Variants in ZBTB20 observed in about 807,000 individuals in gnomAD.
The protein encoded by ZBTB20 is zinc finger and BTB domain-containing protein 20.
A neutral mutation model predicts 56.9 loss-of-function variants in ZBTB20; 9 were observed. The observed-to-expected ratio is 0.16, with a 90% confidence interval of 0.10 to 0.28. The LOEUF is 0.28. Ranked by LOEUF, ZBTB20 falls within the 10% of genes least tolerant of loss-of-function variation. The pLI, the probability that ZBTB20 is intolerant of heterozygous loss-of-function variation, is 1.00. For synonymous variants in ZBTB20, 417 were observed against 420.7 expected, an observed-to-expected ratio of 0.99 and a Z score of 0.11; for missense variants, 655 against 1,003.0, an observed-to-expected ratio of 0.65 and a Z score of 4.69.
rs145013595 is a variant in ZBTB20 at position 115,123,364 on chromosome 3, A to G, written c.-703+23855T>C. On this transcript the variant is annotated intron_variant, in intron 1 of 11. Transcript: ENST00000675478. ...ATGTTCTAATGTATGAATTATTACTAAAACAATTATTTACCTATCTGATCA... is the reference window on the plus strand; with the variant it reads ...ATGTTCTAATGTATGAATTATTACTGAAACAATTATTTACCTATCTGATCA... 9.1e-3 allele frequency among the ~76,000 whole-genome samples: 1,385 copies of G among 152,326 alleles called. 7 individuals are homozygous for G. The highest frequency in any genetic ancestry group is 0.014 in the Non-Finnish European group (930 of 68,006).
intron 7 of ZBTB20, among the ~76,000 whole-genome samples, chr3:114,464,009 G>A (rs1479709306): frequency 6.6e-6 from 1 of 152,114 alleles, no homozygotes; most frequent in Non-Finnish European, 1.5e-5. Context: ...CTTTAATTGT[G>A]CATACAATTC....
At chr3:115,035,285 C>A (rs1290137639) in intron 2 of ZBTB20, among the ~76,000 whole-genome samples, 2 of 151,994 alleles carry the variant, frequency 1.3e-5, no homozygotes, top group Non-Finnish European at 2.9e-5. Context: ...AGCCAAACCA[C>A]TGAATAAGGG....
At chr3:114,979,456 T>A (rs1185122843) in intron 2 of ZBTB20, among the ~76,000 whole-genome samples, 1 of 152,036 alleles carries the variant, frequency 6.6e-6, no homozygotes, top group African/African-American at 2.4e-5. Context: ...GTCCTTAACA[T>A]GTCATTCAAA....
chr3:114,495,716 CTT>C (rs1200908106), intron 7 of ZBTB20, among the ~76,000 whole-genome samples: 1 of 151,954 alleles, frequency 6.6e-6, no homozygotes, highest in Non-Finnish European at 1.5e-5. Flanking sequence ...AATAGCCACT[CTT>C]ATCACTAGGA....
Position 114,718,534 on chromosome 3 carries a change from A to C in ZBTB20, c.-342-24959T>G, listed in dbSNP as rs181839328. ...TCACATCTGGCTCTAAGATACAACC[A>C]CGCGCTGTGACATATAAAAAGGTCA... On this transcript the variant is annotated intron_variant, in intron 5 of 11. Transcript: ENST00000675478. Among the ~76,000 whole-genome samples, 666 of 152,180 alleles carry C rather than the reference A, an allele frequency of 4.4e-3. 7 individuals are homozygous for C. The highest frequency in any genetic ancestry group is 0.02 in the South Asian group (94 of 4,816).
intron 7 of ZBTB20, among the ~76,000 whole-genome samples, chr3:114,468,206 C>T (rs1350532267): frequency 6.6e-6 from 1 of 152,128 alleles, no homozygotes; most frequent in African/African-American, 2.4e-5. Flanking sequence ...ATACTTTTCT[C>T]AAGTATTTAA....
At chr3:114,685,643 C>A (rs1311889970) in intron 6 of ZBTB20, among the ~76,000 whole-genome samples, 1 of 152,156 alleles carries the variant, frequency 6.6e-6, no homozygotes, top group African/African-American at 2.4e-5. Context: ...CCATTAATTT[C>A]TGATGGTGTT....
chr3:115,093,732 C>T (rs1370906243), intron 1 of ZBTB20, among the ~76,000 whole-genome samples: 2 of 152,082 alleles, frequency 1.3e-5, no homozygotes, highest in East Asian at 1.9e-4. Context: ...CTCACAACTC[C>T]GAACCCAAGA....
intron 3 of ZBTB20, among the ~76,000 whole-genome samples, chr3:114,972,984 G>A (rs1216267849): frequency 2.6e-5 from 4 of 151,866 alleles, no homozygotes; most frequent in African/African-American, 9.7e-5. Flanking sequence ...AATCTTATGG[G>A]GCAAGGCAGG....
At chr3:114,953,470 C>T (rs1052973136) in intron 3 of ZBTB20, among the ~76,000 whole-genome samples, 10 of 150,860 alleles carry the variant, frequency 6.6e-5, no homozygotes, top group African/African-American at 2.4e-4. Flanking sequence ...ACACTGTTTT[C>T]AACAAATTTA....
intron 2 of ZBTB20, among the ~76,000 whole-genome samples, chr3:114,991,479 T>C (rs1303927324): frequency 6.6e-6 from 1 of 152,186 alleles, no homozygotes; most frequent in African/African-American, 2.4e-5. Context: ...AAGTTTGTTA[T>C]AATTTCTGTT....
intron 6 of ZBTB20, among the ~76,000 whole-genome samples, chr3:114,586,258 A>T (rs528950240): frequency 9.9e-5 from 15 of 152,214 alleles, no homozygotes; most frequent in Non-Finnish European, 1.5e-4. Context: ...TGAATCATGA[A>T]ATGAAGTCCT....
intron 5 of ZBTB20, among the ~76,000 whole-genome samples, chr3:114,776,170 T>TA (rs1414819557): frequency 1.3e-5 from 2 of 150,968 alleles, no homozygotes; most frequent in Non-Finnish European, 2.9e-5. Flanking sequence ...GCAGAGCAGG[T>TA]ACAAAGGTAA....
rs902013492 is a variant in ZBTB20 at position 115,068,923 on chromosome 3, T to C, written c.-507+2296A>G. On this transcript the variant is annotated intron_variant, in intron 2 of 11. Coordinates refer to ENST00000675478, the MANE Select transcript of ZBTB20 (RefSeq NM_001348800.3). Reference sequence around the variant, plus strand: ...CAGTTTGATAGTGCATTCATTCTTATGCCTCCAGCACTGAATCAACCACTA... The same window carrying C: ...CAGTTTGATAGTGCATTCATTCTTACGCCTCCAGCACTGAATCAACCACTA... 2.0e-5 allele frequency among the ~76,000 whole-genome samples: 3 copies of C among 152,220 alleles called. No individual in the cohort carries two copies. The South Asian group carries it at 6.2e-4, about 32-fold the overall frequency.
chr3:115,091,691 T>TAA lies in ZBTB20; in HGVS notation c.-702-20279_-702-20278dup, dbSNP rs1248760709. Reference sequence around the variant, plus strand: ...AATGTGTATTTTATATATATATATATAACACACACATATATATAATACATA... The same window carrying TAA: ...AATGTGTATTTTATATATATATATATAAAACACACACATATATATAATACATA... On this transcript the variant is annotated intron_variant, in intron 1 of 11. Transcript: ENST00000675478. 5.2e-4 allele frequency among the ~76,000 whole-genome samples: 78 copies of TAA among 149,972 alleles called. 1 individual carries two copies. Among genetic ancestry groups the TAA allele is most frequent in the African/African-American group, 1.8e-3 (73 of 40,996 alleles).
chr3:115,081,436 G>A (rs559090083), intron 1 of ZBTB20, among the ~76,000 whole-genome samples: 7 of 152,140 alleles, frequency 4.6e-5, no homozygotes, highest in East Asian at 1.9e-4. Context: ...ATTTCAGTAC[G>A]ATGCTGCTTA....
intron 3 of ZBTB20, among the ~76,000 whole-genome samples, chr3:114,915,674 G>A (rs143839840): frequency 1.3e-5 from 2 of 151,600 alleles, no homozygotes; most frequent in East Asian, 3.9e-4. Flanking sequence ...ATGCATTGTT[G>A]GTTTTTTTAT....
chr3:114,330,541 C>T lies in ZBTB20; in HGVS notation c.*8464G>A, dbSNP rs779224400. 5 of 152,020 alleles carry T rather than the reference C, an allele frequency of 3.3e-5. No individual in the cohort carries two copies. The highest frequency in any genetic ancestry group is 5.9e-5 in the Non-Finnish European group (4 of 68,004). 9.4% of individuals were successfully genotyped at this position (152,020 alleles called of 1,614,324 possible). ...TGTTAATTAAAGGAAAAAATAAAACCGAAACAACTAATTGTTTTTCCAGTA... is the reference window on the plus strand; with the variant it reads ...TGTTAATTAAAGGAAAAAATAAAACTGAAACAACTAATTGTTTTTCCAGTA... On this transcript the variant is annotated 3_prime_UTR_variant, in exon 12 of 12. Transcript: ENST00000675478.
chr3:115,135,343 G>C (rs1033446057), intron 1 of ZBTB20, among the ~76,000 whole-genome samples: 3 of 152,138 alleles, frequency 2.0e-5, no homozygotes, highest in African/African-American at 7.2e-5. Flanking sequence ...TGGGGTATGT[G>C]GGTGTGAGGT....
Sources: allele counts gnomAD v4.1 joint callset (sites outside exome capture counted in the v4.1 genomes callset), GRCh38; gene constraint gnomAD v4.1.1; transcripts MANE v1.5; gene names NCBI Gene and HGNC (gene_info 2026-07-23, HGNC 2026-07-21).